SV2B: variants seen among roughly 807,000 people sequenced by gnomAD.
SV2B encodes the protein solute carrier family 22 member B2.
SV2B carries 41 observed loss-of-function variants against 73.9 expected under a neutral mutation model. The ratio of observed to expected loss-of-function variants is 0.56; its 90% CI spans 0.43 to 0.72. SV2B has a LOEUF of 0.72. SV2B is among the 30% of genes least tolerant of loss of function. The probability of loss-of-function intolerance (pLI) is 0.00; values close to 1 mark genes in which losing one functional copy is unlikely to be tolerated. For synonymous variants in SV2B, 314 were observed against 314.2 expected (o/e 1.00, Z 0.01); for missense variants, 764 against 857.8 (o/e 0.89, Z 1.37).
chr15:91,257,444 A>G (rs576858736), intron 4 of SV2B, among the ~76,000 whole-genome samples: 129 of 152,324 alleles, frequency 8.5e-4, no homozygotes, highest in South Asian at 1.5e-3. Flanking sequence ...GATATTCAAA[A>G]CAATGCTTGA....
chr15:91,200,449 G>A (rs986781862), intron 1 of SV2B, among the ~76,000 whole-genome samples: 1 of 152,186 alleles, frequency 6.6e-6, no homozygotes, highest in African/African-American at 2.4e-5. Flanking sequence ...AAGGAAACTA[G>A]AGGGGTGTCC....
In SV2B at chr15:91,236,530, T is replaced by C. The variant is rs1189613773; in HGVS notation, c.451+9816T>C. Among the ~76,000 whole-genome samples, 5 of 152,172 alleles carry C rather than the reference T, an allele frequency of 3.3e-5. No individual in the cohort carries two copies. The highest frequency in any genetic ancestry group is 9.6e-5 in the African/African-American group (4 of 41,452). On this transcript the variant is annotated intron_variant, in intron 2 of 12. Transcript: ENST00000394232. This position sits in a 1 kb window ranked among gnomAD's most constrained non-coding sequence, Gnocchi z 4.1. Reference sequence around the variant, plus strand: ...CAGAGTTGGGAGTGGGCTGGAAATATATAAAACTCATTCCCTGTACAAGTA... The same window carrying C: ...CAGAGTTGGGAGTGGGCTGGAAATACATAAAACTCATTCCCTGTACAAGTA...
At chr15:91,142,228 C>G (rs2043017123) in intron 1 of SV2B, among the ~76,000 whole-genome samples, 1 of 152,202 alleles carries the variant, frequency 6.6e-6, no homozygotes, top group Admixed American at 6.5e-5. Context: ...TGTCTCCTCT[C>G]TTCTGTGCTT....
intron 1 of SV2B, among the ~76,000 whole-genome samples, chr15:91,182,982 G>A (rs1483390220): frequency 6.6e-6 from 1 of 152,160 alleles, no homozygotes; most frequent in Non-Finnish European, 1.5e-5. Flanking sequence ...CCTGTTATGT[G>A]CCAGGAGCCA....
chr15:91,208,194 C>T (rs8031085), intron 1 of SV2B, among the ~76,000 whole-genome samples: 6,621 of 152,268 alleles, frequency 0.043, 485 homozygotes, highest in African/African-American at 0.15. Context: ...AGAAACCTAG[C>T]GGTGTCTGAG....
chr15:91,197,065 A>G lies in SV2B; in HGVS notation c.-391-28808A>G, dbSNP rs150926684. On this transcript the variant is annotated intron_variant, in intron 1 of 12. Coordinates refer to ENST00000394232, the MANE Select transcript of SV2B (RefSeq NM_001323032.3). This position sits in a 1 kb window ranked among gnomAD's most constrained non-coding sequence, Gnocchi z 4.9. ...TGCCGGCTGTGGCAGCCTTTAGCCC[A>G]TAGATGCTGATCTTTGATGTCAGAA... 0.011 allele frequency among the ~76,000 whole-genome samples: 1,698 copies of G among 152,348 alleles called. 36 individuals are homozygous for G. The highest frequency in any genetic ancestry group is 0.039 in the African/African-American group (1,626 of 41,588).
intron 1 of SV2B, among the ~76,000 whole-genome samples, chr15:91,103,324 GTAT>G (rs1369917108): frequency 6.6e-6 from 1 of 152,142 alleles, no homozygotes; most frequent in East Asian, 1.9e-4. Context: ...TTGAATCTTA[GTAT>G]TATGATTTTT....
intron 2 of SV2B, among the ~76,000 whole-genome samples, chr15:91,243,932 G>C (rs2047123323): frequency 6.6e-6 from 1 of 152,150 alleles, no homozygotes; most frequent in Admixed American, 6.5e-5. Context: ...CCTGAGCTGA[G>C]GGGCCAGGGC....
chr15:91,167,939 G>A (rs2043972757), intron 1 of SV2B, among the ~76,000 whole-genome samples: 2 of 152,122 alleles, frequency 1.3e-5, no homozygotes, highest in Admixed American at 6.5e-5. Context: ...GTAGGCTCTG[G>A]ATCCAATGTA....
At chr15:91,158,376 C>T (rs1280254290) in intron 1 of SV2B, among the ~76,000 whole-genome samples, 1 of 151,960 alleles carries the variant, frequency 6.6e-6, no homozygotes, top group Admixed American at 6.6e-5. Context: ...TGATGGGGGA[C>T]CCTTGAATGA....
chr15:91,199,000 C>A (rs1249116667), intron 1 of SV2B, among the ~76,000 whole-genome samples: 3 of 152,134 alleles, frequency 2.0e-5, no homozygotes, highest in African/African-American at 7.2e-5. Flanking sequence ...AATATAAATA[C>A]TTAAAACTTA....
chr15:91,181,230 T>A (rs112692111), intron 1 of SV2B, among the ~76,000 whole-genome samples: 57,323 of 151,964 alleles, frequency 0.38, 12,337 homozygotes, highest in African/African-American at 0.56. Flanking sequence ...CTGCAAATGC[T>A]GCTGTCTGAT....
Position 91,267,295 on chromosome 15 carries a change from C to T in SV2B, c.1120-260C>T, listed in dbSNP as rs1467685567. On this transcript the variant is annotated intron_variant, in intron 7 of 12. Transcript: ENST00000394232. This position sits in a 1 kb window ranked among gnomAD's most constrained non-coding sequence, Gnocchi z 4.3. ...TGCCTTGAAGTCCTAACTCAGTGTGCTTTCAATCACATTCATGGAATGCTG... is the reference window on the plus strand; with the variant it reads ...TGCCTTGAAGTCCTAACTCAGTGTGTTTTCAATCACATTCATGGAATGCTG... Among the ~76,000 whole-genome samples, 1 of 152,218 alleles carries T rather than the reference C, an allele frequency of 6.6e-6. No individual in the cohort carries two copies. Among genetic ancestry groups the T allele is most frequent in the Non-Finnish European group, 1.5e-5 (1 of 68,042 alleles).
rs372394399 is a variant in SV2B, at chr15:91,262,252, A to AAAAAAC, written c.1008+1868_1008+1873dup. On this transcript the variant is annotated intron_variant, in intron 6 of 12. Coordinates refer to ENST00000394232, the MANE Select transcript of SV2B (RefSeq NM_001323032.3). ...TATTGTAAGGATTAAGTAAAACACC[A>AAAAAAC]AAAAACAAAAACAAAAACAAAAACA... Among the ~76,000 whole-genome samples the AAAAAAC allele has an allele frequency of 6.5e-4, 99 of 152,278 alleles. 1 individual carries two copies. Among genetic ancestry groups the AAAAAAC allele is most frequent in the Middle Eastern group, 3.4e-3 (1 of 294 alleles).
rs2043515398 is a variant in SV2B, at chr15:91,157,048, G to A, written c.-392+56685G>A. ...CCCAGCTGTAGACTAAGTCAGTCAGGGAATGGTTAAGGCCCTGTGCGTATC... is the reference window on the plus strand; with the variant it reads ...CCCAGCTGTAGACTAAGTCAGTCAGAGAATGGTTAAGGCCCTGTGCGTATC... On this transcript the variant is annotated intron_variant, in intron 1 of 12. Transcript: ENST00000394232. Among the ~76,000 whole-genome samples the A allele has an allele frequency of 3.3e-5, 5 of 152,204 alleles. No homozygotes were observed. The South Asian group carries it at 1.0e-3, about 32-fold the overall frequency.
chr15:91,153,584 G>C (rs534225797), intron 1 of SV2B, among the ~76,000 whole-genome samples: 102 of 152,284 alleles, frequency 6.7e-4, no homozygotes, highest in African/African-American at 2.4e-3. Context: ...GTCTGTCATA[G>C]ACAGTTTTCC....
chr15:91,257,608 C>T (rs2047743695), intron 4 of SV2B, among the ~76,000 whole-genome samples: 1 of 152,162 alleles, frequency 6.6e-6, no homozygotes, highest in African/African-American at 2.4e-5. Context: ...TAACAGCTTA[C>T]AGTGTTTTTC....
In SV2B at chr15:91,106,155, A is replaced by C. The variant is rs2041876876; in HGVS notation, c.-392+5792A>C. ...TAGAGTATGAGAAAAAGATGACATA[A>C]TGAATTTTGACCTAAGCAGCTGGAT... On this transcript the variant is annotated intron_variant, in intron 1 of 12. Coordinates refer to ENST00000394232, the MANE Select transcript of SV2B (RefSeq NM_001323032.3). This position sits in a 1 kb window ranked among gnomAD's most constrained non-coding sequence, Gnocchi z 4.4. 6.6e-6 allele frequency among the ~76,000 whole-genome samples: 1 copy of C among 152,204 alleles called. No individual in the cohort carries two copies.
rs572063657 is a variant in SV2B at position 91,278,563 on chromosome 15, C to T, written c.1374-3165C>T. 4.4e-3 allele frequency among the ~76,000 whole-genome samples: 634 copies of T among 145,496 alleles called. 6 individuals are homozygous for T. Among genetic ancestry groups the T allele is most frequent in the Middle Eastern group, 0.017 (5 of 286 alleles). The stretch of plus-strand genomic sequence containing the variant: ...GCGCGGTGGCGGGTGCCTGTAGTCC[C>T]AGCTACTCGGGAGGCTGAGGCAGGA... On this transcript the variant is annotated intron_variant, in intron 9 of 12. Transcript: ENST00000394232.
Sources: allele counts gnomAD v4.1 joint callset (sites outside exome capture counted in the v4.1 genomes callset), GRCh38; gene constraint gnomAD v4.1.1; non-coding constraint Gnocchi (gnomAD v3.1); transcripts MANE v1.5; gene names NCBI Gene and HGNC (gene_info 2026-07-23, HGNC 2026-07-21).